ODAD4: variants seen among roughly 807,000 people sequenced by gnomAD.
ODAD4 encodes outer dynein arm docking complex subunit 4.
Under a neutral mutation model 51.8 loss-of-function variants are expected in ODAD4, and 49 were observed. The ratio of observed to expected loss-of-function variants is 0.95; its 90% CI spans 0.75 to 1.20. The LOEUF is 1.20. Ranked by LOEUF, ODAD4 falls within the 50% of genes most tolerant of loss-of-function variation. The pLI, the probability that ODAD4 is intolerant of heterozygous loss-of-function variation, is 0.00. For synonymous variants in ODAD4, 235 were observed against 221.3 expected, an observed-to-expected ratio of 1.06 and a Z score of -0.55; for missense variants, 590 against 586.5, an observed-to-expected ratio of 1.01 and a Z score of -0.06.
chr17:41,947,195 C>T (rs1321093365), intron 8 of ODAD4, among the ~76,000 whole-genome samples: 15 of 147,466 alleles, frequency 1.0e-4, no homozygotes, highest in Admixed American at 8.8e-4. Flanking sequence ...CAGGCCAGGC[C>T]GGGCGCGGTG....
chr17:41,952,227 G>A (rs1161822020), intron 9 of ODAD4, among the ~76,000 whole-genome samples: 1 of 151,796 alleles, frequency 6.6e-6, no homozygotes, highest in African/African-American at 2.4e-5. Context: ...AATTAGCCGG[G>A]CGTGGTGGTG....
chr17:41,931,373 C>G (rs1377062564), intron 1 of ODAD4, among the ~76,000 whole-genome samples: 2 of 152,106 alleles, frequency 1.3e-5, no homozygotes, highest in Non-Finnish European at 2.9e-5. Flanking sequence ...TAACAGTGAC[C>G]TTTTCCTCCA....
chr17:41,932,428 G>A (rs1422673520), intron 1 of ODAD4, among the ~76,000 whole-genome samples: 2 of 152,122 alleles, frequency 1.3e-5, no homozygotes, highest in East Asian at 1.9e-4. Context: ...GCCCAAGGTC[G>A]CTAAACTAGC....
At chr17:41,955,421 T>TTTTG (rs781853830) in intron 10 of ODAD4, 104 bp downstream of exon 10, 2 of 643,044 alleles carry the variant, frequency 3.1e-6, no homozygotes, top group Admixed American at 2.4e-5. Context: ...ACAGCCGTTT[T>TTTTG]TTTGTTTGTT....
intron 7 of ODAD4, among the ~76,000 whole-genome samples, chr17:41,944,440 ACACAC>A (rs1307182621): frequency 4.8e-3 from 23 of 4,770 alleles, no homozygotes; most frequent in East Asian, 0.043. Context: ...ACACACACAC[ACACAC>A]CCCCCCGCAT....
At chr17:41,931,432 C>A (rs1422797269) in intron 1 of ODAD4, among the ~76,000 whole-genome samples, 1 of 152,210 alleles carries the variant, frequency 6.6e-6, no homozygotes. Context: ...CACAGAGCAG[C>A]CTTACCTTCC....
At chr17:41,934,301 A>G (rs1555637387) in intron 1 of ODAD4, among the ~76,000 whole-genome samples, 2 of 151,276 alleles carry the variant, frequency 1.3e-5, no homozygotes, top group Non-Finnish European at 1.5e-5. Flanking sequence ...TTGGTCTCCC[A>G]AAGTTCTGGG....
chr17:41,935,363 G>T lies in ODAD4; in HGVS notation c.246+15G>T. 3 of 1,612,484 alleles carry T rather than the reference G, an allele frequency of 1.9e-6. No individual in the cohort carries two copies. The highest frequency in any genetic ancestry group is 2.5e-6 in the Non-Finnish European group (3 of 1,179,230). On this transcript the variant is annotated intron_variant, in intron 2 of 11. Transcript: ENST00000377540. ...CTTTCTGTAAGGTGACTGCATGGGC[G>T]GGAGGACTGGATCCTGCCATTGCCT...
intron 9 of ODAD4, chr17:41,955,006 A>G: frequency 1.5e-6 from 1 of 674,710 alleles, no homozygotes; most frequent in Admixed American, 2.0e-5. Flanking sequence ...CAGGTTCCTC[A>G]GTCCTGGTTC....
At chr17:41,931,176 T>A (rs1555636761) in intron 1 of ODAD4, among the ~76,000 whole-genome samples, 2 of 152,082 alleles carry the variant, frequency 1.3e-5, no homozygotes, top group African/African-American at 4.8e-5. Flanking sequence ...ATTACAGGCG[T>A]GAGCCACTGC....
chr17:41,945,204 T>C lies in ODAD4; in HGVS notation c.1127T>C (p.Phe376Ser), dbSNP rs781790216. ...AGAGTTTTTGCCAGAGTTGGGAAAT[T>C]CCAGCAAGCCATTGACACGTGAGTG... Reference protein sequence around the residue: ...IGRVFARVGKFQQAIDTWEEK... With the variant: ...IGRVFARVGKSQQAIDTWEEK... Residue 376 changes from phenylalanine to serine, a missense_variant, in exon 8 of 12, where the codon TTC (phenylalanine) becomes TCC (serine). This residue lies in a region of ODAD4 where 226 missense variants were observed against 162.7 expected (regional missense o/e 1.39). Coordinates refer to ENST00000377540, the MANE Select transcript of ODAD4 (RefSeq NM_031421.5). The C allele has an allele frequency of 6.2e-7, 1 of 1,612,900 alleles. No individual in the cohort carries two copies. Among genetic ancestry groups the C allele is most frequent in the Non-Finnish European group, 8.5e-7 (1 of 1,179,550 alleles).
chr17:41,960,631 CAG>C (rs1390569401), intron 10 of ODAD4, among the ~76,000 whole-genome samples: 1 of 152,142 alleles, frequency 6.6e-6, no homozygotes, highest in African/African-American at 2.4e-5. Context: ...GGGTTAGGGG[CAG>C]AGAGAAGGTA....
chr17:41,942,378 T>A (rs999716558), intron 7 of ODAD4, among the ~76,000 whole-genome samples: 32 of 151,956 alleles, frequency 2.1e-4, no homozygotes, highest in Non-Finnish European at 2.8e-4. Context: ...GTTTTTTCAG[T>A]GCCCACGGCA....
At chr17:41,939,208 A>G in intron 7 of ODAD4, 36 bp downstream of exon 7, 2 of 1,574,962 alleles carry the variant, frequency 1.3e-6, no homozygotes, top group Non-Finnish European at 1.7e-6. Flanking sequence ...GCGTGAGCCT[A>G]CGGAGAAGGA....
At chr17:41,941,046 G>A (rs1555638618) in intron 7 of ODAD4, among the ~76,000 whole-genome samples, 1 of 152,164 alleles carries the variant, frequency 6.6e-6, no homozygotes, top group African/African-American at 2.4e-5. Flanking sequence ...CGCTCAAGTT[G>A]GTCTGGATGA....
chr17:41,945,064 T>C (rs955893409), intron 7 of ODAD4, 72 bp from the exon 8 acceptor site: 17 of 1,270,212 alleles, frequency 1.3e-5, no homozygotes, highest in Non-Finnish European at 1.9e-5. Flanking sequence ...TGTCTTTGCC[T>C]TCTTTCCTAT....
chr17:41,938,587 T>C lies in ODAD4; in HGVS notation c.656T>C (p.Leu219Pro). The change falls in exon 6 of 12, where the codon CTG (leucine) becomes CCG (proline). Residue 219 changes from leucine to proline, a missense_variant. Physicochemically the swap from Leu to Pro is moderately conservative, Grantham distance 98. Transcript: ENST00000377540. Reference sequence around the variant, plus strand: ...ATCAAAGGCACCATGAAGGGCGGCCTGACTGTGGAGGACCTCATCATGACG... The same window carrying C: ...ATCAAAGGCACCATGAAGGGCGGCCCGACTGTGGAGGACCTCATCATGACG... Reference protein sequence around the residue: ...DLIKGTMKGGLTVEDLIMTGI... With the variant: ...DLIKGTMKGGPTVEDLIMTGI... The C allele has an allele frequency of 6.2e-7, 1 of 1,613,912 alleles. No individual in the cohort carries two copies.
At chr17:41,941,129 C>G (rs937711762) in intron 7 of ODAD4, among the ~76,000 whole-genome samples, 1 of 152,204 alleles carries the variant, frequency 6.6e-6, no homozygotes, top group Non-Finnish European at 1.5e-5. Context: ...CCTGTCCATA[C>G]TTTCTCTGTT....
intron 7 of ODAD4, among the ~76,000 whole-genome samples, chr17:41,943,666 G>T (rs560239519): frequency 6.6e-6 from 1 of 152,350 alleles, no homozygotes; most frequent in Non-Finnish European, 1.5e-5. Context: ...GGGCCATCTG[G>T]TTGTATACGT....
Sources: gnomAD v4.1 joint callset for allele counts (sites outside exome capture counted in the v4.1 genomes callset) on GRCh38, gnomAD v4.1.1 for gene constraint, gnomAD v4.1.1 regional missense constraint, MANE v1.5 for transcripts, NCBI Gene and HGNC (gene_info 2026-07-23, HGNC 2026-07-21) for gene names.